The following USH2A variants were observed in gnomAD, a reference collection of about 807,000 sequenced individuals.
USH2A encodes usherin, also known as Usher syndrome 2A (autosomal recessive, mild).
USH2A carries 443 observed loss-of-function variants against 538.9 expected under a neutral mutation model. The ratio of observed to expected loss-of-function variants is 0.82; its 90% CI spans 0.76 to 0.89. The LOEUF (loss-of-function observed/expected upper bound fraction) is 0.89, where lower values mean the gene tolerates loss of function less well. USH2A is among the 40% of genes least tolerant of loss of function. The pLI, the probability that USH2A is intolerant of heterozygous loss-of-function variation, is 0.00. For missense variants in USH2A, 6,633 were observed against 6,324.8 expected, an observed-to-expected ratio of 1.05 and a Z score of -1.65; for synonymous variants, 2,413 against 2,273.5, an observed-to-expected ratio of 1.06 and a Z score of -1.75.
chr1:215,658,659 G>A (rs1009772383), intron 64 of USH2A, among the ~76,000 whole-genome samples: 4 of 152,168 alleles, frequency 2.6e-5, no homozygotes, highest in African/African-American at 4.8e-5. Flanking sequence ...TTTCTGTGGA[G>A]GGTAGCCTAA....
chr1:215,944,293 T>A (rs892537991), intron 37 of USH2A, among the ~76,000 whole-genome samples: 10 of 152,152 alleles, frequency 6.6e-5, no homozygotes, highest in African/African-American at 2.4e-4. Context: ...GTCTAAAGTG[T>A]TTACTTTCTA....
chr1:216,248,828 G>A (rs529503990), intron 12 of USH2A, among the ~76,000 whole-genome samples: 5 of 152,054 alleles, frequency 3.3e-5, no homozygotes, highest in African/African-American at 7.2e-5. Context: ...TATTCCTAAC[G>A]ATAGTCAGGA....
intron 64 of USH2A, among the ~76,000 whole-genome samples, chr1:215,670,253 T>C (rs1392463269): frequency 6.6e-6 from 1 of 152,162 alleles, no homozygotes; most frequent in East Asian, 1.9e-4. Flanking sequence ...TGCCCACCAC[T>C]TGGCTAGAAG....
At position 216,196,658 on chromosome 1, in the gene USH2A, C is replaced by G. The variant is rs753908845; in HGVS notation, c.4146G>C (p.Trp1382Cys). ...TTGTAACATTATCTGCTGGCTTCTCCCAGGAGATATTGAGAGAGTACGAAG... is the reference window on the plus strand; with the variant it reads ...TTGTAACATTATCTGCTGGCTTCTCGCAGGAGATATTGAGAGAGTACGAAG... ...PLSSYSLNISWEKPADNVTRG... is the reference protein window; with the variant it reads ...PLSSYSLNISCEKPADNVTRG... Residue 1382 changes from tryptophan to cysteine, a missense_variant, in exon 19 of 72, where the codon TGG becomes TGC. Coordinates refer to ENST00000307340, the MANE Select transcript of USH2A (RefSeq NM_206933.4). The G allele has an allele frequency of 4.3e-6, 7 of 1,613,382 alleles. No homozygotes were observed. Among genetic ancestry groups the G allele is most frequent in the Non-Finnish European group, 5.1e-6 (6 of 1,179,678 alleles).
chr1:215,730,126 A>G (rs1441834827), intron 60 of USH2A, among the ~76,000 whole-genome samples: 1 of 152,228 alleles, frequency 6.6e-6, no homozygotes, highest in African/African-American at 2.4e-5. Context: ...CATTAAATAT[A>G]GAAGTAAGAG....
intron 48 of USH2A, among the ~76,000 whole-genome samples, chr1:215,815,315 T>C (rs1662827595): frequency 6.6e-6 from 1 of 152,022 alleles, no homozygotes; most frequent in African/African-American, 2.4e-5. Context: ...GACTATGTGG[T>C]GAGATTTGCA....
chr1:216,033,155 C>A (rs1669168430), intron 32 of USH2A, among the ~76,000 whole-genome samples: 1 of 152,178 alleles, frequency 6.6e-6, no homozygotes, highest in Non-Finnish European at 1.5e-5. Context: ...GAATCTGAAT[C>A]TGCATCTGCC....
intron 4 of USH2A, among the ~76,000 whole-genome samples, chr1:216,350,674 C>A (rs1385483279): frequency 2.0e-5 from 3 of 152,098 alleles, no homozygotes; most frequent in African/African-American, 7.2e-5. Context: ...CCTTGGGAAG[C>A]TCTACCCCTC....
rs1334256899 is a variant in USH2A, at chr1:215,638,977, CAA to C, written c.15052+176_15052+177del. On this transcript the variant is annotated intron_variant, in intron 69 of 71. Coordinates refer to ENST00000307340, the MANE Select transcript of USH2A (RefSeq NM_206933.4). Reference sequence around the variant, plus strand: ...TGAGTGACAGAGCAAGACTCCGTCTCAAAAAAAAACAACAACAAAAAAAAAAC... The same window carrying C: ...TGAGTGACAGAGCAAGACTCCGTCTCAAAAAAACAACAACAAAAAAAAAAC... 3.6e-5 allele frequency among the ~76,000 whole-genome samples: 4 copies of C among 110,778 alleles called. No homozygotes were observed. In the Admixed American group the frequency reaches 4.1e-4, roughly 11 times the overall value. The allele number at this position is 110,778 out of a possible 152,430, so 72.7% of individuals were successfully genotyped here.
chr1:216,398,096 CT>C (rs1237487054), intron 3 of USH2A, among the ~76,000 whole-genome samples: 6 of 152,210 alleles, frequency 3.9e-5, no homozygotes, highest in African/African-American at 1.4e-4. Flanking sequence ...AGCCAATATA[CT>C]TTAAATACAA....
chr1:215,666,148 T>A (rs1321167077), intron 64 of USH2A, among the ~76,000 whole-genome samples: 1 of 152,216 alleles, frequency 6.6e-6, no homozygotes, highest in African/African-American at 2.4e-5. Flanking sequence ...CTGGAAGCTA[T>A]GCTGAAATGA....
At chr1:216,266,468 T>A (rs1266544912) in intron 11 of USH2A, among the ~76,000 whole-genome samples, 1 of 152,160 alleles carries the variant, frequency 6.6e-6, no homozygotes, top group African/African-American at 2.4e-5. Flanking sequence ...AGTTATATTA[T>A]CGGTTGCCTG....
intron 34 of USH2A, among the ~76,000 whole-genome samples, chr1:215,993,373 G>T (rs144543292): frequency 3.3e-5 from 5 of 152,262 alleles, no homozygotes; most frequent in African/African-American, 9.6e-5. Context: ...CCAATAGTTA[G>T]AGAATAACTG....
chr1:215,842,899 C>T (rs1663723549), intron 46 of USH2A, among the ~76,000 whole-genome samples: 1 of 151,844 alleles, frequency 6.6e-6, no homozygotes, highest in South Asian at 2.1e-4. Flanking sequence ...TTAGGTGCAG[C>T]AAACCACCAT....
intron 61 of USH2A, among the ~76,000 whole-genome samples, chr1:215,717,922 G>A (rs1299802999): frequency 1.3e-5 from 2 of 152,172 alleles, no homozygotes; most frequent in Non-Finnish European, 2.9e-5. Context: ...AACTGATTAT[G>A]TAACTAGATA....
At chr1:215,901,855 A>G (rs1237592832) in intron 38 of USH2A, among the ~76,000 whole-genome samples, 1 of 152,184 alleles carries the variant, frequency 6.6e-6, no homozygotes, top group Non-Finnish European at 1.5e-5. Context: ...GAAACTTGAA[A>G]GCAAATTCAG....
intron 55 of USH2A, among the ~76,000 whole-genome samples, chr1:215,767,910 GA>G (rs969013936): frequency 1.3e-5 from 2 of 152,000 alleles, no homozygotes; most frequent in Non-Finnish European, 2.9e-5. Flanking sequence ...CTCTCTTTGA[GA>G]AAAAAATAGT....
chr1:215,876,974 A>G (rs891611200), intron 43 of USH2A, among the ~76,000 whole-genome samples: 1 of 152,214 alleles, frequency 6.6e-6, no homozygotes, highest in Non-Finnish European at 1.5e-5. Flanking sequence ...ACCCACATAG[A>G]AAAGTTACTG....
rs1423290679 is a variant in USH2A at position 216,323,579 on chromosome 1, G to A, written c.1445C>T (p.Ala482Val). The stretch of plus-strand genomic sequence containing the variant: ...ATGAAAATGAAACCTTATTTGCGTG[G>A]CTTTTACGAACTCTTGAAGAGATGG... ...NTPSLQEFVK[A>V]TQIRFHFHGQ... is the part of the protein sequence containing the mutation. The change falls in exon 8 of 72, where the codon GCC becomes GTC. Residue 482 changes from alanine to valine, a missense_variant. Physicochemically the swap from Ala to Val is moderately conservative, Grantham distance 64. Transcript: ENST00000307340. The A allele has an allele frequency of 1.2e-6, 2 of 1,613,388 alleles. No individual in the cohort carries two copies. The highest frequency in any genetic ancestry group is 1.3e-5 in the African/African-American group (1 of 74,796).
Sources: allele counts gnomAD v4.1 joint callset (sites outside exome capture counted in the v4.1 genomes callset), GRCh38; gene constraint gnomAD v4.1.1; transcripts MANE v1.5; gene names NCBI Gene and HGNC (gene_info 2026-07-23, HGNC 2026-07-21).